The following LRRC4C variants were observed in gnomAD, a reference collection of about 807,000 sequenced individuals.
LRRC4C encodes the protein leucine rich repeat containing 4C.
A neutral mutation model predicts 33.6 loss-of-function variants in LRRC4C; 5 were observed. The ratio of observed to expected loss-of-function variants is 0.15; its 90% CI spans 0.08 to 0.31. The LOEUF is 0.31. Ranked by LOEUF, LRRC4C falls within the 10% of genes least tolerant of loss-of-function variation. The pLI, the probability that LRRC4C is intolerant of heterozygous loss-of-function variation, is 1.00. For missense variants in LRRC4C, 560 were observed against 796.7 expected (o/e 0.70, Z 3.58); for synonymous variants, 329 against 302.0 (o/e 1.09, Z -0.93).
At chr11:40,752,702 A>C (rs1948752710) in intron 2 of LRRC4C, among the ~76,000 whole-genome samples, 1 of 152,154 alleles carries the variant, frequency 6.6e-6, no homozygotes, top group African/African-American at 2.4e-5. Context: ...CTACTATAAA[A>C]AACGGAATAG....
chr11:40,698,343 G>A (rs1945684708), intron 2 of LRRC4C, among the ~76,000 whole-genome samples: 1 of 152,000 alleles, frequency 6.6e-6, no homozygotes, highest in Admixed American at 6.6e-5. Context: ...CTGAGGTTGA[G>A]GTTTCTTCAT....
At chr11:40,963,151 T>G (rs1448107793) in intron 1 of LRRC4C, among the ~76,000 whole-genome samples, 1 of 151,748 alleles carries the variant, frequency 6.6e-6, no homozygotes, top group African/African-American at 2.4e-5. Context: ...CACACTATTA[T>G]TTTTATTACA....
chr11:41,183,488 C>T (rs1266938214), intron 1 of LRRC4C, among the ~76,000 whole-genome samples: 3 of 152,136 alleles, frequency 2.0e-5, no homozygotes. Context: ...GATCTTAGAG[C>T]TCCAAAATGA....
At chr11:40,246,832 A>G (rs1317546181) in intron 4 of LRRC4C, among the ~76,000 whole-genome samples, 1 of 152,322 alleles carries the variant, frequency 6.6e-6, no homozygotes, top group Middle Eastern at 3.4e-3. Context: ...TGTGTCAGAT[A>G]TATGTTCATA....
chr11:40,525,049 A>C (rs1955983422), intron 3 of LRRC4C, among the ~76,000 whole-genome samples: 1 of 129,598 alleles, frequency 7.7e-6, no homozygotes, highest in Non-Finnish European at 1.7e-5. Flanking sequence ...AGAATACAGC[A>C]TAGCAAGAAG....
chr11:40,155,744 A>G (rs1858635147), intron 5 of LRRC4C, among the ~76,000 whole-genome samples: 1 of 152,168 alleles, frequency 6.6e-6, no homozygotes, highest in African/African-American at 2.4e-5. Flanking sequence ...GTCCAAGACC[A>G]GACGGATTCA....
chr11:40,553,619 T>A (rs1257269996), intron 3 of LRRC4C, among the ~76,000 whole-genome samples: 1 of 152,212 alleles, frequency 6.6e-6, no homozygotes, highest in Non-Finnish European at 1.5e-5. Flanking sequence ...ATAGCCATTC[T>A]GACTAGTGTG....
At chr11:41,293,478 T>C (rs7102532) in intron 1 of LRRC4C, among the ~76,000 whole-genome samples, 27,712 of 152,108 alleles carry the variant, frequency 0.18, 3,106 homozygotes, top group East Asian at 0.43. Context: ...ACAATTTTCA[T>C]TGTTTTTGCC....
chr11:40,602,391 C>T (rs566559489), intron 3 of LRRC4C, among the ~76,000 whole-genome samples: 1 of 152,018 alleles, frequency 6.6e-6, no homozygotes, highest in Non-Finnish European at 1.5e-5. Context: ...AGGTGAATAT[C>T]CATGTGTGCA....
chr11:40,422,588 A>G (rs550607723), intron 3 of LRRC4C, among the ~76,000 whole-genome samples: 1 of 152,278 alleles, frequency 6.6e-6, no homozygotes, highest in East Asian at 1.9e-4. Flanking sequence ...CTATAAAAGA[A>G]GGTGAATAAC....
chr11:40,674,498 C>A (rs1392954180), intron 2 of LRRC4C, among the ~76,000 whole-genome samples: 1 of 152,158 alleles, frequency 6.6e-6, no homozygotes, highest in Non-Finnish European at 1.5e-5. Context: ...TGACAGCAAA[C>A]AGCCAGGGGC....
At chr11:40,629,948 TAG>T (rs1347745455) in intron 3 of LRRC4C, among the ~76,000 whole-genome samples, 1 of 152,152 alleles carries the variant, frequency 6.6e-6, no homozygotes, top group Non-Finnish European at 1.5e-5. Context: ...GATACCAAAT[TAG>T]GTTTCCCTAA....
chr11:40,991,571 G>A (rs927188194), intron 1 of LRRC4C, among the ~76,000 whole-genome samples: 12 of 152,116 alleles, frequency 7.9e-5, no homozygotes, highest in African/African-American at 2.9e-4. Context: ...AATATATAAT[G>A]AAATAATTAT....
intron 3 of LRRC4C, among the ~76,000 whole-genome samples, chr11:40,574,401 G>A (rs866408195): frequency 6.6e-6 from 1 of 152,128 alleles, no homozygotes; most frequent in African/African-American, 2.4e-5. Flanking sequence ...GTATTTGATT[G>A]TTGTGTTGCA....
chr11:40,537,201 G>A (rs1367633562), intron 3 of LRRC4C, among the ~76,000 whole-genome samples: 1 of 152,152 alleles, frequency 6.6e-6, no homozygotes, highest in African/African-American at 2.4e-5. Flanking sequence ...TTTCCTTTTA[G>A]GCTCTGTCTC....
At chr11:40,732,245 G>C (rs1378543577) in intron 2 of LRRC4C, among the ~76,000 whole-genome samples, 1 of 152,062 alleles carries the variant, frequency 6.6e-6, no homozygotes, top group African/African-American at 2.4e-5. Flanking sequence ...CAACAGAAAA[G>C]AAAGAATCTT....
At chr11:41,364,899 G>A (rs1477199811) in intron 1 of LRRC4C, among the ~76,000 whole-genome samples, 7 of 151,932 alleles carry the variant, frequency 4.6e-5, no homozygotes, top group Non-Finnish European at 8.8e-5. Context: ...TATCTAAGGC[G>A]GAAATATAAC....
At chr11:40,131,603 C>G (rs766199936) in intron 6 of LRRC4C, among the ~76,000 whole-genome samples, 1 of 152,078 alleles carries the variant, frequency 6.6e-6, no homozygotes, top group Non-Finnish European at 1.5e-5. Flanking sequence ...ATCAGAGACA[C>G]AAATTTTTGT....
chr11:40,863,524 C>T (rs1268734689), intron 2 of LRRC4C, among the ~76,000 whole-genome samples: 4 of 152,110 alleles, frequency 2.6e-5, no homozygotes, highest in African/African-American at 4.8e-5. Context: ...AGTTGAATAG[C>T]CCTGGTATGG....
Sources: allele counts gnomAD v4.1 joint callset (sites outside exome capture counted in the v4.1 genomes callset), GRCh38; gene constraint gnomAD v4.1.1; transcripts MANE v1.5; gene names NCBI Gene and HGNC (gene_info 2026-07-23, HGNC 2026-07-21).